Variants in UQCRC2 observed in about 807,000 individuals in gnomAD.
UQCRC2 encodes the protein ubiquinol-cytochrome c reductase core protein 2, also known as cytochrome b-c1 complex subunit 2, mitochondrial.
UQCRC2 carries 49 observed loss-of-function variants against 55.6 expected under a neutral mutation model. That is an observed-to-expected ratio of 0.88 (90% CI 0.70 to 1.12). The LOEUF (loss-of-function observed/expected upper bound fraction) is 1.12. Among genes scored for constraint, UQCRC2 ranks in the 50% most tolerant of loss-of-function variants. UQCRC2 has a pLI of 0.00. For missense variants in UQCRC2, 506 were observed against 547.8 expected (o/e 0.92, Z 0.76); for synonymous variants, 193 against 192.0 (o/e 1.01, Z -0.04).
rs760746980 is a variant in UQCRC2, at chr16:21,971,874, T to A, written c.767-49T>A. ...AGGAAATACTGGAGAATGAAACCAATGGTGAACAAGCCATTTTCTTCTTCC... is the reference window on the plus strand; with the variant it reads ...AGGAAATACTGGAGAATGAAACCAAAGGTGAACAAGCCATTTTCTTCTTCC... On this transcript the variant is annotated intron_variant, in intron 9 of 13. Transcript: ENST00000268379. The A allele has an allele frequency of 6.7e-5, 108 of 1,607,790 alleles. 1 individual carries two copies. In the Admixed American group the frequency reaches 1.8e-3, roughly 26 times the overall value.
chr16:21,962,436 A>T lies in UQCRC2; in HGVS notation c.333-24A>T. 1 of 1,613,634 alleles carries T rather than the reference A, an allele frequency of 6.2e-7. No individual in the cohort carries two copies. The highest frequency in any genetic ancestry group is 8.5e-7 in the Non-Finnish European group (1 of 1,179,632). On this transcript the variant is annotated intron_variant, in intron 4 of 13. Transcript: ENST00000268379. ...CTTACTATCCTGATTCAGATGATTTACTCTAGTTTATTTTCCGATTCAGTG... is the reference window on the plus strand; with the variant it reads ...CTTACTATCCTGATTCAGATGATTTTCTCTAGTTTATTTTCCGATTCAGTG...
intron 6 of UQCRC2, among the ~76,000 whole-genome samples, chr16:21,964,696 G>A (rs1898284090): frequency 6.6e-6 from 1 of 152,132 alleles, no homozygotes; most frequent in Non-Finnish European, 1.5e-5. Flanking sequence ...AATTCCCACT[G>A]CCCTTGCCTT....
chr16:21,955,550 T>C (rs1232776739), intron 1 of UQCRC2, among the ~76,000 whole-genome samples: 1 of 152,200 alleles, frequency 6.6e-6, no homozygotes, highest in Non-Finnish European at 1.5e-5. Context: ...TTGTATAACA[T>C]TTGCCAAAAC....
At chr16:21,953,661 A>C (rs1431781896) in intron 1 of UQCRC2, among the ~76,000 whole-genome samples, 1 of 152,136 alleles carries the variant, frequency 6.6e-6, no homozygotes, top group Non-Finnish European at 1.5e-5. Context: ...AACACCGGGA[A>C]ACCTGAAGAG....
rs1898224440 is a variant in UQCRC2, at chr16:21,962,350, T to C, written c.333-110T>C. The C allele has an allele frequency of 5.9e-6, 8 of 1,348,854 alleles. No homozygotes were observed. The East Asian group carries it at 1.6e-4, about 27-fold the overall frequency. 83.6% of individuals were successfully genotyped at this position (1,348,854 alleles called of 1,614,324 possible). A position where few individuals can be genotyped will look rare whatever the true frequency, so the allele number is the denominator to read the frequency against. On this transcript the variant is annotated intron_variant, in intron 4 of 13. Transcript: ENST00000268379. The stretch of plus-strand genomic sequence containing the variant: ...GTTTTGTTATATTATTGTTCGCACC[T>C]TTTATACTTCAGAAATTTTCTTTCC...
intron 7 of UQCRC2, among the ~76,000 whole-genome samples, chr16:21,966,973 A>G (rs906726897): frequency 2.0e-5 from 3 of 152,242 alleles, no homozygotes; most frequent in Admixed American, 6.5e-5. Flanking sequence ...ATGTTGTCAC[A>G]TAAAGCAATT....
At chr16:21,967,723 T>C (rs1461825829) in intron 7 of UQCRC2, among the ~76,000 whole-genome samples, 16 of 152,144 alleles carry the variant, frequency 1.1e-4, no homozygotes, top group Non-Finnish European at 4.4e-5. Flanking sequence ...CGTTTTTGTT[T>C]TTCAAGCTGA....
At chr16:21,979,357 C>T (rs1898659847) in intron 12 of UQCRC2, among the ~76,000 whole-genome samples, 2 of 152,164 alleles carry the variant, frequency 1.3e-5, no homozygotes, top group African/African-American at 4.8e-5. Context: ...AGTCATGGGT[C>T]ACATAACGAT....
Position 21,962,778 on chromosome 16 carries a change from T to G in UQCRC2, c.407T>G (p.Phe136Cys). Residue 136 changes from phenylalanine to cysteine, a missense_variant, in exon 6 of 14, where the codon TTC (phenylalanine) becomes TGC (cysteine). Transcript: ENST00000268379. ...LRGDVDILME[F>C]LLNVTTAPEF... Reference sequence around the variant, plus strand: ...TTCTGTAGTGATATTCTAATGGAGTTCCTGCTCAATGTCACCACAGCACCA... The same window carrying G: ...TTCTGTAGTGATATTCTAATGGAGTGCCTGCTCAATGTCACCACAGCACCA... 1 of 1,614,148 alleles carries G rather than the reference T, an allele frequency of 6.2e-7. No individual in the cohort carries two copies. The highest frequency in any genetic ancestry group is 2.2e-5 in the East Asian group (1 of 44,886).
chr16:21,977,026 T>A (rs1190935936), intron 12 of UQCRC2: 1 of 152,128 alleles, frequency 6.6e-6, no homozygotes, highest in Non-Finnish European at 1.5e-5. Context: ...AACGAAAGAC[T>A]CCATGTTAGA....
intron 12 of UQCRC2, among the ~76,000 whole-genome samples, chr16:21,980,072 G>C (rs1359941029): frequency 6.6e-6 from 1 of 152,208 alleles, no homozygotes; most frequent in African/African-American, 2.4e-5. Flanking sequence ...TACGTTAGGT[G>C]TATTAAATGC....
Position 21,980,638 on chromosome 16 carries a change from T to TA in UQCRC2, c.1217dup (p.Tyr406Ter). The TA allele has an allele frequency of 6.2e-7, 1 of 1,614,238 alleles. No homozygotes were observed. The highest frequency in any genetic ancestry group is 8.5e-7 in the Non-Finnish European group (1 of 1,180,044). Residue 406 changes from tyrosine (Y) to a stop codon, truncating the protein, a stop_gained and frameshift_variant, in exon 13 of 14, where the codon TAC (tyrosine) becomes TAAC (stop). Transcript: ENST00000268379. LOFTEE classifies it high-confidence loss of function. ...GTCCCAGGCTCTAGTTGCTGGTTCTTACATGCCACCATCCACAGTCCTTCA... is the reference window on the plus strand; with the variant it reads ...GTCCCAGGCTCTAGTTGCTGGTTCTTAACATGCCACCATCCACAGTCCTTCA... ...VGSQALVAGS[Y>*]MPPSTVLQQI... is the part of the protein sequence containing the mutation.
Position 21,980,640 on chromosome 16 carries a change from C to G in UQCRC2, c.1218C>G (p.Tyr406Ter), listed in dbSNP as rs781734076. The G allele has an allele frequency of 1.2e-6, 2 of 1,614,080 alleles. No individual in the cohort carries two copies. The highest frequency in any genetic ancestry group is 1.7e-6 in the Non-Finnish European group (2 of 1,180,050). Reference protein sequence around the residue: ...VGSQALVAGSYMPPSTVLQQI... With the variant: ...VGSQALVAGS ...CCCAGGCTCTAGTTGCTGGTTCTTA[C>G]ATGCCACCATCCACAGTCCTTCAGC... The change falls in exon 13 of 14, where the codon TAC (tyrosine) becomes TAG (stop). Residue 406 changes from tyrosine (Y) to a stop codon, truncating the protein, a stop_gained. Transcript: ENST00000268379. LOFTEE classifies it high-confidence loss of function.
At chr16:21,964,615 G>T (rs1049137348) in intron 6 of UQCRC2, among the ~76,000 whole-genome samples, 3 of 152,050 alleles carry the variant, frequency 2.0e-5, no homozygotes, top group Non-Finnish European at 4.4e-5. Context: ...GTTCCCAAAT[G>T]ATTTCCCCTG....
chr16:21,958,600 GT>G lies in UQCRC2; in HGVS notation c.332+4del. On this transcript the variant is annotated splice_donor_variant, in intron 4 of 13. Coordinates refer to ENST00000268379, the MANE Select transcript of UQCRC2 (RefSeq NM_003366.4). LOFTEE classifies it high-confidence loss of function. ...TTGAAGCAGTTGGTGGCAAATTAAG[GT>G]TTGTTAAATAAGTAATAGAAAATAG... The G allele has an allele frequency of 6.2e-7, 1 of 1,611,324 alleles. No homozygotes were observed.
intron 6 of UQCRC2, among the ~76,000 whole-genome samples, chr16:21,963,663 C>T (rs947527703): frequency 2.0e-5 from 3 of 151,802 alleles, no homozygotes; most frequent in Non-Finnish European, 4.4e-5. Flanking sequence ...GAGATGAGGT[C>T]TCACTCTATT....
At chr16:21,970,992 C>T (rs1386966196) in intron 8 of UQCRC2, among the ~76,000 whole-genome samples, 2 of 152,040 alleles carry the variant, frequency 1.3e-5, no homozygotes. Context: ...AAGCTGTTAG[C>T]AGATATATTA....
intron 10 of UQCRC2, 100 bp downstream of exon 10, chr16:21,972,222 A>G (rs1436379492): frequency 5.2e-5 from 75 of 1,429,536 alleles, no homozygotes; most frequent in Non-Finnish European, 6.8e-5. Context: ...ACAAACACAC[A>G]GAAAATCTTT....
At chr16:21,977,141 G>T (rs929360510) in intron 12 of UQCRC2, among the ~76,000 whole-genome samples, 1 of 152,032 alleles carries the variant, frequency 6.6e-6, no homozygotes, top group Non-Finnish European at 1.5e-5. Flanking sequence ...ATCACTTGAG[G>T]CCAGGAGTTC....
Sources: gnomAD v4.1 joint callset for allele counts (sites outside exome capture counted in the v4.1 genomes callset) on GRCh38, gnomAD v4.1.1 for gene constraint, MANE v1.5 for transcripts, NCBI Gene and HGNC (gene_info 2026-07-23, HGNC 2026-07-21) for gene names.